ABTB3: variants seen among roughly 807,000 people sequenced by gnomAD.
The protein encoded by ABTB3 is ankyrin repeat- and BTB/POZ domain-containing protein 3.
the ABTB3 span, among the ~76,000 whole-genome samples, chr12:107,421,667 A>G: frequency 6.6e-6 from 1 of 152,210 alleles, no homozygotes; most frequent in African/African-American, 2.4e-5. Context: ...GAACCCCACT[A>G]TACAGAAATA....
At chr12:107,601,319 G>A in the ABTB3 span, among the ~76,000 whole-genome samples, 6 of 152,304 alleles carry the variant, frequency 3.9e-5, no homozygotes, top group South Asian at 2.1e-4. Flanking sequence ...TCAGACCTTC[G>A]CCTCAGTTTC....
chr12:107,454,440 G>A, the ABTB3 span, among the ~76,000 whole-genome samples: 1 of 152,164 alleles, frequency 6.6e-6, no homozygotes, highest in East Asian at 1.9e-4. Flanking sequence ...TTAAGGGTTA[G>A]GGGGGTTCAT....
chr12:107,418,994 T>G, the ABTB3 span, among the ~76,000 whole-genome samples: 1 of 152,350 alleles, frequency 6.6e-6, no homozygotes, highest in East Asian at 1.9e-4. Context: ...GATAATTTAA[T>G]GCAGTTCAAA....
chr12:107,443,850 G>C, the ABTB3 span, among the ~76,000 whole-genome samples: 1 of 152,180 alleles, frequency 6.6e-6, no homozygotes, highest in East Asian at 1.9e-4. Context: ...CCTGCCCTCG[G>C]AAAGGACTGA....
At chr12:107,648,723 C>G in the ABTB3 span, among the ~76,000 whole-genome samples, 9 of 152,302 alleles carry the variant, frequency 5.9e-5, no homozygotes, top group Admixed American at 2.6e-4. Flanking sequence ...CCCAGAGTCA[C>G]CCTCTGGGAC....
the ABTB3 span, among the ~76,000 whole-genome samples, chr12:107,408,479 G>C: frequency 6.6e-6 from 1 of 152,204 alleles, no homozygotes; most frequent in Non-Finnish European, 1.5e-5. Context: ...AAGACAGTAG[G>C]GGCAGGGGAG....
the ABTB3 span, among the ~76,000 whole-genome samples, chr12:107,424,298 A>G: frequency 6.6e-6 from 1 of 152,176 alleles, no homozygotes; most frequent in Non-Finnish European, 1.5e-5. Context: ...GTTTACTAGG[A>G]AAACAGTGTC....
At chr12:107,371,747 C>T in the ABTB3 span, among the ~76,000 whole-genome samples, 4 of 152,244 alleles carry the variant, frequency 2.6e-5, no homozygotes, top group African/African-American at 9.6e-5. Context: ...CTTCAAGATC[C>T]ATTTCCACTT....
the ABTB3 span, among the ~76,000 whole-genome samples, chr12:107,517,108 C>G: frequency 6.6e-6 from 1 of 152,134 alleles, no homozygotes; most frequent in Non-Finnish European, 1.5e-5. Context: ...TTCCCAGCAC[C>G]ATTTGTTAAA....
the ABTB3 span, among the ~76,000 whole-genome samples, chr12:107,339,193 C>T: frequency 6.6e-6 from 1 of 152,334 alleles, no homozygotes; most frequent in African/African-American, 2.4e-5. Context: ...GCACCTTTCC[C>T]ATAGTGGGCC....
chr12:107,450,323 T>C, the ABTB3 span, among the ~76,000 whole-genome samples: 1 of 152,080 alleles, frequency 6.6e-6, no homozygotes, highest in African/African-American at 2.4e-5. Flanking sequence ...AAACATCAGC[T>C]CAAAAAGGCA....
At chr12:107,447,521 C>T in the ABTB3 span, among the ~76,000 whole-genome samples, 9 of 152,162 alleles carry the variant, frequency 5.9e-5, no homozygotes, top group Non-Finnish European at 8.8e-5. Flanking sequence ...AATCCAGATC[C>T]GCCAAACCCA....
the ABTB3 span, among the ~76,000 whole-genome samples, chr12:107,543,576 T>A: frequency 5.3e-5 from 8 of 152,110 alleles, no homozygotes; most frequent in Admixed American, 5.2e-4. Context: ...GTGACTACAG[T>A]TAAAGCAGTG....
chr12:107,544,492 C>T, the ABTB3 span, among the ~76,000 whole-genome samples: 68 of 152,156 alleles, frequency 4.5e-4, no homozygotes, highest in Non-Finnish European at 8.8e-4. Flanking sequence ...CTTCTTTCAT[C>T]CTGGCTGCCC....
At chr12:107,470,480 C>T in the ABTB3 span, among the ~76,000 whole-genome samples, 202 of 152,250 alleles carry the variant, frequency 1.3e-3, no homozygotes, top group African/African-American at 4.6e-3. Context: ...TTCACTCGGG[C>T]CCAGTGTCCT....
At chr12:107,649,701 TC>T in the ABTB3 span, 177 of 173,342 alleles carry the variant, frequency 1.0e-3, no homozygotes, top group African/African-American at 3.2e-3. Context: ...CCTAAAAACA[TC>T]CCTCAAATCA....
the ABTB3 span, among the ~76,000 whole-genome samples, chr12:107,387,508 A>G: frequency 6.6e-6 from 1 of 152,188 alleles, no homozygotes. Flanking sequence ...CTTGTAGATG[A>G]CTGTTCAGTG....
chr12:107,427,269 C>T, the ABTB3 span, among the ~76,000 whole-genome samples: 1 of 151,582 alleles, frequency 6.6e-6, no homozygotes, highest in African/African-American at 2.4e-5. Context: ...GACTTCTGAC[C>T]CTCCTGTGTC....
At chr12:107,482,755 T>G in the ABTB3 span, among the ~76,000 whole-genome samples, 1 of 152,030 alleles carries the variant, frequency 6.6e-6, no homozygotes, top group Non-Finnish European at 1.5e-5. Flanking sequence ...AGAGCTTGCT[T>G]TGATGCTTGC....
Sources: gnomAD v4.1 joint callset for allele counts (sites outside exome capture counted in the v4.1 genomes callset) on GRCh38, gnomAD v4.1.1 for gene constraint, MANE v1.5 for transcripts, NCBI Gene and HGNC (gene_info 2026-07-23, HGNC 2026-07-21) for gene names.